CDK14: variants seen among roughly 807,000 people sequenced by gnomAD.
CDK14 encodes cyclin dependent kinase 14.
CDK14 carries 34 observed loss-of-function variants against 60.7 expected under a neutral mutation model. The observed-to-expected ratio is 0.56, with a 90% CI of 0.43 to 0.75. The LOEUF is 0.75. CDK14 is among the 30% of genes least tolerant of loss of function. CDK14 has a pLI of 0.00. For synonymous variants in CDK14, 197 were observed against 203.7 expected (o/e 0.97, Z 0.28); for missense variants, 482 against 564.1 (o/e 0.85, Z 1.47).
Position 91,118,165 on chromosome 7 carries a change from A to G in CDK14, c.1395A>G (p.Ser465=). The change falls in exon 14 of 15, where the codon TCA becomes TCG. Residue 465 remains serine (S), a synonymous_variant. Transcript: ENST00000380050. ...ACAATAGTTATGGCAAAAGTCTATC[A>G]AACAGCAAGCACTGACAAGCAGCAC... is the stretch of plus-strand genomic sequence containing the variant. The part of the protein sequence containing the change: ...GKNNSYGKSL[S]NSKH The G allele has an allele frequency of 6.2e-7, 1 of 1,610,864 alleles. No homozygotes were observed. Among genetic ancestry groups the G allele is most frequent in the Non-Finnish European group, 8.5e-7 (1 of 1,177,250 alleles).
intron 3 of CDK14, among the ~76,000 whole-genome samples, chr7:90,740,942 A>G (rs1562747267): frequency 6.6e-6 from 1 of 152,104 alleles, no homozygotes; most frequent in Non-Finnish European, 1.5e-5. Context: ...ATTTTTATAT[A>G]TTTATATTAG....
At chr7:90,750,227 G>GA (rs1803782834) in intron 4 of CDK14, among the ~76,000 whole-genome samples, 1 of 147,838 alleles carries the variant, frequency 6.8e-6, no homozygotes, top group African/African-American at 2.5e-5. Flanking sequence ...GAAAGAAAAA[G>GA]AAAAAATGCA....
intron 2 of CDK14, among the ~76,000 whole-genome samples, chr7:90,717,698 T>C (rs1036218878): frequency 1.4e-4 from 21 of 152,170 alleles, no homozygotes; most frequent in African/African-American, 4.8e-4. Flanking sequence ...TTGTTTTTAA[T>C]GTAGTTTCTC....
chr7:90,934,987 T>C (rs909718459), intron 8 of CDK14, among the ~76,000 whole-genome samples: 4 of 152,218 alleles, frequency 2.6e-5, no homozygotes, highest in Admixed American at 6.5e-5. Flanking sequence ...GACTAGGTAA[T>C]TTATAAGGAA....
chr7:90,596,868 G>A (rs368978400), intron 1 of CDK14, 150 bp downstream of exon 1: 2 of 644,268 alleles, frequency 3.1e-6, no homozygotes, highest in African/African-American at 3.7e-5. Context: ...CTAGGGACCC[G>A]GGGGAGGGCA....
rs138560500 is a variant in CDK14, at chr7:90,966,241, A to G, written c.947+10424A>G. Among the ~76,000 whole-genome samples the G allele has an allele frequency of 7.9e-3, 1,198 of 152,254 alleles. 20 individuals carry two copies. Among genetic ancestry groups the G allele is most frequent in the African/African-American group, 0.028 (1,149 of 41,558 alleles). On this transcript the variant is annotated intron_variant, in intron 9 of 14. Transcript: ENST00000380050. ...TCTATTTAAAAAAAAATCAGCTTCCATATATAAAATTGTTCTTGCTTCCTT... is the reference window on the plus strand; with the variant it reads ...TCTATTTAAAAAAAAATCAGCTTCCGTATATAAAATTGTTCTTGCTTCCTT...
At chr7:90,862,457 A>G (rs1250948572) in intron 5 of CDK14, among the ~76,000 whole-genome samples, 1 of 152,198 alleles carries the variant, frequency 6.6e-6, no homozygotes, top group African/African-American at 2.4e-5. Flanking sequence ...CTCAAAGAAG[A>G]CATACCAATC....
intron 2 of CDK14, chr7:90,710,295 T>G (rs984226862): frequency 3.0e-6 from 3 of 985,196 alleles, no homozygotes; most frequent in Non-Finnish European, 3.6e-6. Context: ...AAACTAGTCT[T>G]TATTTATTAC....
chr7:91,113,800 A>AT (rs1799537225), intron 13 of CDK14, among the ~76,000 whole-genome samples: 1 of 151,988 alleles, frequency 6.6e-6, no homozygotes, highest in South Asian at 2.1e-4. Context: ...CCTCTTGGGT[A>AT]TTTCTATCCT....
intron 12 of CDK14, among the ~76,000 whole-genome samples, chr7:91,099,209 A>G (rs952625567): frequency 3.9e-5 from 6 of 152,168 alleles, no homozygotes; most frequent in Non-Finnish European, 8.8e-5. Flanking sequence ...AGATGCGCCA[A>G]TAAGTTACAC....
intron 12 of CDK14, among the ~76,000 whole-genome samples, chr7:91,109,060 G>T (rs1799399283): frequency 1.3e-5 from 2 of 152,074 alleles, no homozygotes; most frequent in African/African-American, 4.8e-5. Context: ...TGAAAATCTT[G>T]TAATTTTTTC....
At chr7:90,807,043 A>T (rs1012008847) in intron 5 of CDK14, among the ~76,000 whole-genome samples, 3 of 152,226 alleles carry the variant, frequency 2.0e-5, no homozygotes, top group African/African-American at 7.2e-5. Context: ...CTCTGGGGGC[A>T]GGGCATAGCC....
chr7:90,804,544 A>G (rs532357695), intron 5 of CDK14, among the ~76,000 whole-genome samples: 25 of 152,310 alleles, frequency 1.6e-4, no homozygotes, highest in Admixed American at 9.2e-4. Flanking sequence ...CTGTAATTCT[A>G]AGTATGCTTA....
intron 5 of CDK14, among the ~76,000 whole-genome samples, chr7:90,847,036 T>A (rs750840141): frequency 8.5e-5 from 13 of 152,206 alleles, no homozygotes; most frequent in Non-Finnish European, 1.6e-4. Flanking sequence ...AATACTTATT[T>A]ATTTTGGTTC....
At position 91,112,649 on chromosome 7, in the gene CDK14, A is replaced by T. The variant is rs771509192; in HGVS notation, c.1262A>T (p.Asp421Val). ...GCCTTGAGCCACGAGTATTTTAGTG[A>T]CCTGCCGCCACGGCTATGGGAACTC... ...QAALSHEYFS[D>V]LPPRLWELTD... Residue 421 changes from aspartate to valine, a missense_variant, in exon 13 of 15, where the codon GAC becomes GTC. Transcript: ENST00000380050. The T allele has an allele frequency of 6.2e-7, 1 of 1,613,648 alleles. No homozygotes were observed. The highest frequency in any genetic ancestry group is 8.5e-7 in the Non-Finnish European group (1 of 1,179,828).
chr7:90,977,111 A>G (rs1237423534), intron 9 of CDK14, among the ~76,000 whole-genome samples: 1 of 152,108 alleles, frequency 6.6e-6, no homozygotes, highest in African/African-American at 2.4e-5. Context: ...GATTTTGTCT[A>G]AGGTGAAGCG....
At chr7:90,828,275 T>C (rs184163434) in intron 5 of CDK14, among the ~76,000 whole-genome samples, 1 of 152,352 alleles carries the variant, frequency 6.6e-6, no homozygotes, top group African/African-American at 2.4e-5. Flanking sequence ...CTGAGACCTG[T>C]TGGAGGTCTG....
At chr7:90,874,131 T>G (rs1791469775) in intron 6 of CDK14, among the ~76,000 whole-genome samples, 1 of 152,194 alleles carries the variant, frequency 6.6e-6, no homozygotes, top group Non-Finnish European at 1.5e-5. Context: ...CCTTCCCCTC[T>G]TCCCTGAGCT....
chr7:90,922,497 A>G (rs180752327), intron 8 of CDK14, among the ~76,000 whole-genome samples: 9 of 152,288 alleles, frequency 5.9e-5, no homozygotes, highest in Non-Finnish European at 1.0e-4. Context: ...TTTAAAATCT[A>G]TTGAACAGAC....
Sources: gnomAD v4.1 joint callset for allele counts (sites outside exome capture counted in the v4.1 genomes callset) on GRCh38, gnomAD v4.1.1 for gene constraint, MANE v1.5 for transcripts, NCBI Gene and HGNC (gene_info 2026-07-23, HGNC 2026-07-21) for gene names.